The following RTN4RL1 variants were observed in gnomAD, a reference collection of about 807,000 sequenced individuals.
RTN4RL1 encodes the protein reticulon-4 receptor-like 1.
Under a neutral mutation model 25.6 loss-of-function variants are expected in RTN4RL1, and 7 were observed. The ratio of observed to expected loss-of-function variants is 0.27; its 90% confidence interval spans 0.16 to 0.51. The LOEUF is 0.51. Among genes scored for constraint, RTN4RL1 ranks in the 20% least tolerant of loss-of-function variants. RTN4RL1 has a pLI of 0.97. For synonymous variants in RTN4RL1, 297 were observed against 288.2 expected (o/e 1.03, Z -0.31); for missense variants, 500 against 615.6 (o/e 0.81, Z 1.99).
chr17:1,978,117 C>G (rs564171156), intron 1 of RTN4RL1, among the ~76,000 whole-genome samples: 1 of 152,344 alleles, frequency 6.6e-6, no homozygotes, highest in Non-Finnish European at 1.5e-5. Context: ...AGGGAGGAAC[C>G]GCCATTGCCT....
At chr17:1,980,401 A>G (rs1469236344) in intron 1 of RTN4RL1, among the ~76,000 whole-genome samples, 3 of 151,964 alleles carry the variant, frequency 2.0e-5, no homozygotes, top group Non-Finnish European at 4.4e-5. Flanking sequence ...ACAAATTCCA[A>G]TTCCATAGGA....
intron 1 of RTN4RL1, among the ~76,000 whole-genome samples, chr17:1,997,990 G>A (rs922054203): frequency 6.6e-6 from 1 of 152,122 alleles, no homozygotes; most frequent in South Asian, 2.1e-4. Flanking sequence ...CTGGGGCCTG[G>A]GGGCGGGCAG....
rs955354053 is a variant in RTN4RL1 at position 1,934,822 on chromosome 17, C to T, written c.*1674G>A. Reference sequence around the variant, plus strand: ...AGCTTGTACCCACCTGGGCCCCCGGCCAGCAGCACGGCCGGCTTTGATCGG... The same window carrying T: ...AGCTTGTACCCACCTGGGCCCCCGGTCAGCAGCACGGCCGGCTTTGATCGG... On this transcript the variant is annotated 3_prime_UTR_variant, in exon 2 of 2. Coordinates refer to ENST00000331238, the MANE Select transcript of RTN4RL1 (RefSeq NM_178568.4). The surrounding 1 kb of genome is among the most constrained non-coding windows in gnomAD (Gnocchi z 4.0). 13 of 152,666 alleles carry T rather than the reference C, an allele frequency of 8.5e-5. No homozygotes were observed. Among genetic ancestry groups the T allele is most frequent in the Admixed American group, 6.5e-4 (10 of 15,286 alleles). 9.5% of individuals were successfully genotyped at this position (152,666 alleles called of 1,614,324 possible). A position where few individuals can be genotyped will look rare whatever the true frequency, so the allele number is the denominator to read the frequency against.
At chr17:1,978,639 G>GGC (rs1015844535) in intron 1 of RTN4RL1, among the ~76,000 whole-genome samples, 17 of 152,068 alleles carry the variant, frequency 1.1e-4, no homozygotes, top group Non-Finnish European at 2.2e-4. Context: ...AAAATGGGGG[G>GGC]GGTGGAGGGT....
At chr17:1,978,217 C>T (rs953927105) in intron 1 of RTN4RL1, among the ~76,000 whole-genome samples, 2 of 152,336 alleles carry the variant, frequency 1.3e-5, no homozygotes, top group Admixed American at 6.5e-5. Context: ...CTCCAGGCGT[C>T]GCATCACCGG....
chr17:1,974,152 A>G (rs2066832668), intron 1 of RTN4RL1, among the ~76,000 whole-genome samples: 1 of 152,160 alleles, frequency 6.6e-6, no homozygotes, highest in Admixed American at 6.5e-5. Context: ...AGCCTGGGCA[A>G]CAGGGCGAAA....
chr17:1,938,076 C>T (rs1915351301), intron 1 of RTN4RL1, among the ~76,000 whole-genome samples: 1 of 152,120 alleles, frequency 6.6e-6, no homozygotes, highest in Non-Finnish European at 1.5e-5. Flanking sequence ...CTTAGTTCCA[C>T]CCCACAGCTG....
intron 1 of RTN4RL1, among the ~76,000 whole-genome samples, chr17:2,007,461 G>A (rs1291387869): frequency 6.6e-6 from 1 of 151,808 alleles, no homozygotes; most frequent in East Asian, 1.9e-4. Context: ...CCGACCTCTT[G>A]CTCTGGCCTT....
At chr17:1,950,897 ACT>A (rs141257839) in intron 1 of RTN4RL1, among the ~76,000 whole-genome samples, 68 of 140,974 alleles carry the variant, frequency 4.8e-4, no homozygotes, top group South Asian at 3.2e-3. Context: ...ACATACTGAG[ACT>A]CTCTCTCTCT....
rs147442697 is a variant in RTN4RL1 at position 2,006,121 on chromosome 17, G to A, written c.13+18732C>T. Among the ~76,000 whole-genome samples, 550 of 148,652 alleles carry A rather than the reference G, an allele frequency of 3.7e-3. 15 individuals are homozygous for A. The highest frequency in any genetic ancestry group is 0.032 in the East Asian group (155 of 4,808). Reference sequence around the variant, plus strand: ...TCTTTTCTTTTAATAGGTAGGCTAAGGGGAATTAGGAATGTCATATTTGGG... The same window carrying A: ...TCTTTTCTTTTAATAGGTAGGCTAAAGGGAATTAGGAATGTCATATTTGGG... On this transcript the variant is annotated intron_variant, in intron 1 of 1. Coordinates refer to ENST00000331238, the MANE Select transcript of RTN4RL1 (RefSeq NM_178568.4).
At chr17:1,982,321 G>C (rs2066870629) in intron 1 of RTN4RL1, among the ~76,000 whole-genome samples, 1 of 150,250 alleles carries the variant, frequency 6.7e-6, no homozygotes, top group Non-Finnish European at 1.5e-5. Flanking sequence ...GAGAAGAGAA[G>C]AGAAGAGGAA....
intron 1 of RTN4RL1, among the ~76,000 whole-genome samples, chr17:2,023,097 C>T (rs529495768): frequency 1.3e-5 from 2 of 152,112 alleles, no homozygotes; most frequent in Non-Finnish European, 2.9e-5. Context: ...GACAAAAGAC[C>T]AAAAGGGAAA....
At chr17:1,965,962 T>C (rs2066789339) in intron 1 of RTN4RL1, among the ~76,000 whole-genome samples, 1 of 152,050 alleles carries the variant, frequency 6.6e-6, no homozygotes, top group Non-Finnish European at 1.5e-5. Flanking sequence ...GGCTCCCCAC[T>C]AAAGCTCCTG....
chr17:1,939,925 G>C (rs1282714280), intron 1 of RTN4RL1, among the ~76,000 whole-genome samples: 4 of 152,348 alleles, frequency 2.6e-5, no homozygotes, highest in African/African-American at 9.6e-5. Context: ...CCTCATGGGA[G>C]AGCCGGGGCA....
In RTN4RL1 at chr17:1,973,930, C is replaced by T. The variant is rs549811696; in HGVS notation, c.14-36122G>A. On this transcript the variant is annotated intron_variant, in intron 1 of 1. Coordinates refer to ENST00000331238, the MANE Select transcript of RTN4RL1 (RefSeq NM_178568.4). ...AGTGTACACCTGTAATCCCAGCTAC[C>T]GGGGAGGCTGAGGCAGGAGAATAGC... is the stretch of plus-strand genomic sequence containing the variant. 4.7e-3 allele frequency among the ~76,000 whole-genome samples: 694 copies of T among 148,816 alleles called. 6 individuals carry two copies. Among genetic ancestry groups the T allele is most frequent in the African/African-American group, 0.016 (652 of 40,454 alleles).
At chr17:1,949,579 T>C (rs1262220748) in intron 1 of RTN4RL1, among the ~76,000 whole-genome samples, 3 of 152,130 alleles carry the variant, frequency 2.0e-5, no homozygotes, top group African/African-American at 7.2e-5. Flanking sequence ...AGAACCGGCA[T>C]CTAGAGCTCT....
rs569616472 is a variant in RTN4RL1 at position 1,973,808 on chromosome 17, A to G, written c.14-36000T>C. On this transcript the variant is annotated intron_variant, in intron 1 of 1. Coordinates refer to ENST00000331238, the MANE Select transcript of RTN4RL1 (RefSeq NM_178568.4). ...AATCCCAGCACTTTGGGAGGCCGAG[A>G]CAGGCGGATCACCTGAGGTCAGGAG... Among the ~76,000 whole-genome samples, 26 of 152,106 alleles carry G rather than the reference A, an allele frequency of 1.7e-4. No individual in the cohort carries two copies. In the East Asian group the frequency reaches 4.6e-3, roughly 27 times the overall value.
chr17:2,016,205 ACC>A (rs956644731), intron 1 of RTN4RL1, among the ~76,000 whole-genome samples: 2 of 152,084 alleles, frequency 1.3e-5, no homozygotes, highest in African/African-American at 4.8e-5. Context: ...ACATAGTGAA[ACC>A]CCGTTTCTAC....
chr17:1,937,476 G>A lies in RTN4RL1; in HGVS notation c.346C>T (p.Leu116=). 2 of 1,613,974 alleles carry A rather than the reference G, an allele frequency of 1.2e-6. No homozygotes were observed. Among genetic ancestry groups the A allele is most frequent in the Non-Finnish European group, 1.7e-6 (2 of 1,179,894 alleles). The change falls in exon 2 of 2, where the codon CTG becomes TTG. Residue 116 remains leucine, a synonymous_variant. Transcript: ENST00000331238. The part of the protein sequence containing the change: ...DLGDNRQLRT[L]APETFQGLVK... ...AGGCCCTGGAAGGTCTCGGGTGCCA[G>A]CGTCCGCAGCTGCCGGTTGTCGCCG... is the stretch of plus-strand genomic sequence containing the variant.
Sources: allele counts gnomAD v4.1 joint callset (sites outside exome capture counted in the v4.1 genomes callset), GRCh38; gene constraint gnomAD v4.1.1; non-coding constraint Gnocchi (gnomAD v3.1); transcripts MANE v1.5; gene names NCBI Gene and HGNC (gene_info 2026-07-23, HGNC 2026-07-21).